The following PCDHA12 variants were observed in gnomAD, a reference collection of about 807,000 sequenced individuals.
The protein encoded by PCDHA12 is protocadherin alpha 12.
A neutral mutation model predicts 60.0 loss-of-function variants in PCDHA12; 44 were observed. The observed-to-expected ratio is 0.73, with a 90% confidence interval of 0.58 to 0.94. The LOEUF (loss-of-function observed/expected upper bound fraction) is 0.94, where lower values mean the gene tolerates loss of function less well. Among genes scored for constraint, PCDHA12 ranks in the 40% least tolerant of loss-of-function variants. PCDHA12 has a pLI of 0.00. For missense variants in PCDHA12, 1,276 were observed against 1,239.7 expected, an observed-to-expected ratio of 1.03 and a Z score of -0.44; for synonymous variants, 569 against 553.0, an observed-to-expected ratio of 1.03 and a Z score of -0.40.
chr5:140,876,620 G>A lies in PCDHA12; in HGVS notation c.1148G>A (p.Gly383Glu), dbSNP rs782423759. The A allele has an allele frequency of 1.1e-5, 18 of 1,614,062 alleles. No homozygotes were observed. The highest frequency in any genetic ancestry group is 1.7e-5 in the Admixed American group (1 of 60,010). Reference sequence around the variant, plus strand: ...TCGGATCGTGACTCTGGAGCCAATGGACAGGTCATCTGCTCACTGACACCT... The same window carrying A: ...TCGGATCGTGACTCTGGAGCCAATGAACAGGTCATCTGCTCACTGACACCT... Reference protein sequence around the residue: ...SVSDRDSGANGQVICSLTPHV... With the variant: ...SVSDRDSGANEQVICSLTPHV... Residue 383 changes from glycine (G) to glutamate (E), a missense_variant, in exon 1 of 4, where the codon GGA becomes GAA. Coordinates refer to ENST00000398631, the MANE Select transcript of PCDHA12 (RefSeq NM_018903.4).
At chr5:140,898,957 G>A (rs1165991766) in intron 1 of PCDHA12, among the ~76,000 whole-genome samples, 13 of 152,052 alleles carry the variant, frequency 8.5e-5, no homozygotes, top group Admixed American at 8.5e-4. Flanking sequence ...AAGCAGTTGT[G>A]AATGGGAGTT....
intron 3 of PCDHA12, among the ~76,000 whole-genome samples, chr5:141,000,919 A>AT (rs2097975024): frequency 6.6e-6 from 1 of 152,134 alleles, no homozygotes; most frequent in Non-Finnish European, 1.5e-5. Flanking sequence ...AAAAAAAAAA[A>AT]TCCTGTGTGA....
At chr5:140,979,043 C>A (rs782371496) in intron 2 of PCDHA12, 36 bp downstream of exon 2, 2 of 1,612,500 alleles carry the variant, frequency 1.2e-6, no homozygotes, top group Non-Finnish European at 1.7e-6. Context: ...CAGAAGTAAC[C>A]TTAACTTGGT....
chr5:140,946,634 A>ATATATATAT (rs1554217761), intron 1 of PCDHA12, among the ~76,000 whole-genome samples: 5 of 147,332 alleles, frequency 3.4e-5, no homozygotes, highest in African/African-American at 7.7e-5. Flanking sequence ...ATATATATAC[A>ATATATATAT]ATGGAATACT....
chr5:140,966,017 G>A (rs946123044), intron 1 of PCDHA12, among the ~76,000 whole-genome samples: 1 of 152,144 alleles, frequency 6.6e-6, no homozygotes, highest in Non-Finnish European at 1.5e-5. Flanking sequence ...GGGAAGATGT[G>A]GGAGTCAGGT....
intron 1 of PCDHA12, chr5:140,884,108 G>T: frequency 1.9e-6 from 3 of 1,613,402 alleles, no homozygotes; most frequent in Non-Finnish European, 2.5e-6. Context: ...ATTGCAGCTG[G>T]CGGCGGTCGG....
At chr5:140,969,236 G>A (rs782453054) in intron 1 of PCDHA12, 5 of 1,614,052 alleles carry the variant, frequency 3.1e-6, no homozygotes, top group Non-Finnish European at 4.2e-6. Flanking sequence ...GGGAGCCCAA[G>A]CAGCAGTGAC....
At chr5:140,945,673 A>G (rs192775886) in intron 1 of PCDHA12, among the ~76,000 whole-genome samples, 137 of 152,272 alleles carry the variant, frequency 9.0e-4, no homozygotes, top group Middle Eastern at 3.4e-3. Context: ...CCAGAAATAA[A>G]TCCACACAGT....
intron 1 of PCDHA12, among the ~76,000 whole-genome samples, chr5:140,898,923 T>G (rs2067045385): frequency 6.6e-6 from 1 of 152,144 alleles, no homozygotes; most frequent in South Asian, 2.1e-4. Flanking sequence ...GTAAGTTGGA[T>G]TCCTAAGTAT....
chr5:140,887,672 T>G (rs2061538471), intron 1 of PCDHA12, among the ~76,000 whole-genome samples: 1 of 152,180 alleles, frequency 6.6e-6, no homozygotes, highest in Admixed American at 6.5e-5. Flanking sequence ...GGATTTATCA[T>G]TTTCATCAAA....
intron 1 of PCDHA12, chr5:140,969,003 G>A: frequency 6.2e-7 from 1 of 1,614,226 alleles, no homozygotes; most frequent in Admixed American, 1.7e-5. Context: ...GGAGGCTTCT[G>A]TGGAGTAAGG....
At chr5:140,929,457 G>A (rs975305297) in intron 1 of PCDHA12, 25 of 1,362,276 alleles carry the variant, frequency 1.8e-5, no homozygotes, top group Non-Finnish European at 2.4e-5. Flanking sequence ...AGCACTTCCT[G>A]TGCCAAGAAA....
chr5:140,993,509 C>CAT (rs1488940144), intron 3 of PCDHA12, among the ~76,000 whole-genome samples: 3 of 143,600 alleles, frequency 2.1e-5, no homozygotes, highest in African/African-American at 7.8e-5. Flanking sequence ...CACACACACA[C>CAT]GGGGAGAGAG....
intron 1 of PCDHA12, chr5:140,968,321 A>G: frequency 6.2e-7 from 1 of 1,613,834 alleles, no homozygotes; most frequent in Non-Finnish European, 8.5e-7. Flanking sequence ...GCTGCCAGTC[A>G]CCTCCTATGT....
chr5:141,007,079 TAGAGA>T (rs1308407580), intron 3 of PCDHA12, among the ~76,000 whole-genome samples: 1 of 151,804 alleles, frequency 6.6e-6, no homozygotes, highest in African/African-American at 2.4e-5. Flanking sequence ...GAAGAGAAAA[TAGAGA>T]AGAGAGTCTA....
chr5:140,893,433 G>A (rs1441735373), intron 1 of PCDHA12, among the ~76,000 whole-genome samples: 3 of 152,006 alleles, frequency 2.0e-5, no homozygotes, highest in African/African-American at 4.8e-5. Context: ...CAGGAAGATC[G>A]CTTGAAGCCA....
chr5:140,993,519 GAGAC>G (rs1554253814), intron 3 of PCDHA12, among the ~76,000 whole-genome samples: 1 of 151,288 alleles, frequency 6.6e-6, no homozygotes, highest in Non-Finnish European at 1.5e-5. Context: ...CGGGGAGAGA[GAGAC>G]AGAGAGAGAG....
chr5:140,877,641 C>A lies in PCDHA12; in HGVS notation c.2169C>A (p.Cys723Ter). ...TGCTGCTGTACACTGCGCTGCGTTG[C>A]TCAGCGCCGCCCACCGTGAGCCGGT... ...LTLLLYTALR[C>*]SAPPTVSRCA... The change falls in exon 1 of 4, where the codon TGC (cysteine) becomes TGA (stop). Residue 723 changes from cysteine (C) to a stop codon, truncating the protein, a stop_gained. Transcript: ENST00000398631. LOFTEE classifies it high-confidence loss of function. 6.2e-7 allele frequency: 1 copy of A among 1,613,592 alleles called. No individual in the cohort carries two copies. Among genetic ancestry groups the A allele is most frequent in the Non-Finnish European group, 8.5e-7 (1 of 1,179,810 alleles).
intron 1 of PCDHA12, chr5:140,969,209 A>G (rs1586360550): frequency 1.2e-6 from 2 of 1,614,194 alleles, no homozygotes; most frequent in Non-Finnish European, 1.7e-6. Context: ...AGGGGCCCAG[A>G]CAGGACCAGG....
Sources: allele counts gnomAD v4.1 joint callset (sites outside exome capture counted in the v4.1 genomes callset), GRCh38; gene constraint gnomAD v4.1.1; transcripts MANE v1.5; gene names NCBI Gene and HGNC (gene_info 2026-07-23, HGNC 2026-07-21).